Variants in ZNF846 observed in about 807,000 individuals in gnomAD.
ZNF846 encodes zinc finger protein 420 pseudogene.
A neutral mutation model predicts 16.0 loss-of-function variants in ZNF846; 15 were observed. The observed-to-expected ratio is 0.94, with a 90% CI of 0.63 to 1.45. The LOEUF is 1.45. Ranked by LOEUF, ZNF846 falls within the 40% of genes most tolerant of loss-of-function variation. The probability of loss-of-function intolerance (pLI) is 0.00; values close to 1 mark genes in which losing one functional copy is unlikely to be tolerated. For synonymous variants in ZNF846, 229 were observed against 212.0 expected, an observed-to-expected ratio of 1.08 and a Z score of -0.70; for missense variants, 714 against 622.3, an observed-to-expected ratio of 1.15 and a Z score of -1.57.
intron 1 of ZNF846, chr19:9,774,827 C>G: frequency 6.2e-7 from 1 of 1,608,220 alleles, no homozygotes; most frequent in Non-Finnish European, 8.5e-7. Flanking sequence ...CCTCATAGCA[C>G]TGGTGAATGA....
chr19:9,768,487 G>C (rs1035819748), exon 1 of ZNF846: 2 of 152,298 alleles, frequency 1.3e-5, no homozygotes, highest in African/African-American at 4.8e-5. Flanking sequence ...CGGGCGCAGC[G>C]GGAAGAGGCG....
exon 6 of ZNF846, chr19:9,758,754 T>C (rs780620081): frequency 5.1e-6 from 8 of 1,568,254 alleles, no homozygotes; most frequent in Admixed American, 1.9e-5. Context: ...CTCTGCAGTA[T>C]TGCTTCTCTC....
At chr19:9,761,652 A>C (rs1329421120) in intron 4 of ZNF846, among the ~76,000 whole-genome samples, 1 of 151,954 alleles carries the variant, frequency 6.6e-6, no homozygotes, top group East Asian at 1.9e-4. Flanking sequence ...TGGAGGTTGC[A>C]GCAAGCCAAG....
At chr19:9,783,705 T>C (rs930858359) in intron 1 of ZNF846, among the ~76,000 whole-genome samples, 1 of 150,626 alleles carries the variant, frequency 6.6e-6, no homozygotes, top group Non-Finnish European at 1.5e-5. Flanking sequence ...TTTTTTTTAA[T>C]TTCAGACAGG....
intron 2 of ZNF846, among the ~76,000 whole-genome samples, chr19:9,764,284 G>A (rs887434174): frequency 3.3e-5 from 5 of 152,118 alleles, no homozygotes; most frequent in African/African-American, 1.2e-4. Flanking sequence ...TGTTTCCATG[G>A]ATTGTTTCTA....
Position 9,760,713 on chromosome 19 carries a change from A to T in ZNF846, c.230-771T>A, listed in dbSNP as rs764004573. 5.7e-4 allele frequency among the ~76,000 whole-genome samples: 86 copies of T among 151,348 alleles called. 5 individuals are homozygous for T. The highest frequency in any genetic ancestry group is 1.8e-3 in the African/African-American group (72 of 40,856). ...GAGACTCTGTGTCAAAAAAGAAAAAAATATATATATACATATATATATAGC... is the reference window on the plus strand; with the variant it reads ...GAGACTCTGTGTCAAAAAAGAAAAATATATATATATACATATATATATAGC... On this transcript the variant is annotated intron_variant, in intron 4 of 5. Coordinates refer to ENST00000397902, the Ensembl canonical transcript of ZNF846.
upstream of ZNF846, chr19:9,786,131 G>A (rs532514871): frequency 6.6e-6 from 1 of 152,058 alleles, no homozygotes; most frequent in South Asian, 2.1e-4. Flanking sequence ...CTGGGGAGAA[G>A]TCTTAGTTTC....
chr19:9,759,833 G>A, intron 5 of ZNF846, 27 bp downstream of exon 5: 1 of 1,549,548 alleles, frequency 6.5e-7, no homozygotes, highest in East Asian at 2.3e-5. Context: ...TCCTAGTGTG[G>A]AAGATTTCAT....
chr19:9,749,048 C>A (rs2045064880), downstream of ZNF846, among the ~76,000 whole-genome samples: 1 of 152,144 alleles, frequency 6.6e-6, no homozygotes, highest in South Asian at 2.1e-4. Context: ...TCCCGTCCAC[C>A]TGCAGGACCC....
At chr19:9,753,237 T>TTTAC (rs1555710872), downstream of ZNF846, among the ~76,000 whole-genome samples, 2 of 114,020 alleles carry the variant, frequency 1.8e-5, no homozygotes, top group Admixed American at 1.1e-4. Context: ...TATTTATTTA[T>TTTAC]TTATTTATTT....
chr19:9,760,605 T>A (rs903367731), intron 4 of ZNF846, among the ~76,000 whole-genome samples: 1 of 150,070 alleles, frequency 6.7e-6, no homozygotes, highest in Admixed American at 6.6e-5. Flanking sequence ...AGTGGCTGAG[T>A]CATGAGAATC....
intron 1 of ZNF846, among the ~76,000 whole-genome samples, chr19:9,777,760 G>A (rs769022663): frequency 2.6e-5 from 4 of 152,074 alleles, no homozygotes; most frequent in Non-Finnish European, 5.9e-5. Flanking sequence ...ACTTTGGGAG[G>A]CCAAGGTGGG....
intron 4 of ZNF846, among the ~76,000 whole-genome samples, chr19:9,760,724 A>C (rs540041291): frequency 9.5e-4 from 143 of 151,180 alleles, no homozygotes; most frequent in Non-Finnish European, 1.8e-3. Flanking sequence ...ATATATATAT[A>C]CATATATATA....
downstream of ZNF846, among the ~76,000 whole-genome samples, chr19:9,749,296 A>G (rs2145143173): frequency 6.6e-6 from 1 of 152,166 alleles, no homozygotes; most frequent in South Asian, 2.1e-4. Flanking sequence ...CACTACTTGG[A>G]CTGTGCCCCC....
chr19:9,782,939 A>T, intron 1 of ZNF846, among the ~76,000 whole-genome samples: 1 of 150,230 alleles, frequency 6.7e-6, no homozygotes, highest in African/African-American at 2.5e-5. Context: ...TTTTTTTTTA[A>T]GAGACAGGGT....
intron 1 of ZNF846, among the ~76,000 whole-genome samples, chr19:9,767,663 G>A (rs1005055289): frequency 8.5e-5 from 13 of 152,072 alleles, no homozygotes; most frequent in Non-Finnish European, 1.9e-4. Context: ...AAGGCCAGGC[G>A]CGGTGGCTTA....
At chr19:9,768,807 G>C (rs1246366072), upstream of ZNF846, 1 of 152,296 alleles carries the variant, frequency 6.6e-6, no homozygotes, top group Non-Finnish European at 1.5e-5. Flanking sequence ...CGAGCCCCAA[G>C]AGCTTTGGAA....
upstream of ZNF846, among the ~76,000 whole-genome samples, chr19:9,770,694 A>C (rs1390165682): frequency 6.6e-6 from 1 of 151,748 alleles, no homozygotes; most frequent in Non-Finnish European, 1.5e-5. Context: ...ATGGTGAAAC[A>C]CGGTCTCTAC....
chr19:9,777,279 C>G (rs904231494), intron 1 of ZNF846, among the ~76,000 whole-genome samples: 1 of 151,960 alleles, frequency 6.6e-6, no homozygotes, highest in African/African-American at 2.4e-5. Context: ...CTGCAATAAG[C>G]TGTGATCCTG....
Sources: allele counts gnomAD v4.1 joint callset (sites outside exome capture counted in the v4.1 genomes callset), GRCh38; gene constraint gnomAD v4.1.1; transcripts MANE v1.5; gene names NCBI Gene and HGNC (gene_info 2026-07-23, HGNC 2026-07-21).